MTCH1: variants seen among roughly 807,000 people sequenced by gnomAD.
The protein encoded by MTCH1 is mitochondrial carrier homolog 1.
In MTCH1, 23 loss-of-function variants were observed where a neutral mutation model predicts 49.3. The ratio of observed to expected loss-of-function variants is 0.47; its 90% CI spans 0.34 to 0.66. MTCH1 has a LOEUF of 0.66. Ranked by LOEUF, MTCH1 falls within the 30% of genes least tolerant of loss-of-function variation. The pLI is 0.01. For synonymous variants in MTCH1, 229 were observed against 215.2 expected (o/e 1.06, Z -0.56); for missense variants, 397 against 532.1 (o/e 0.75, Z 2.50).
chr6:36,985,714 C>CCCCCCCCCCCCCCCCCCCCCCCCA, intron 1 of MTCH1, 139 bp downstream of exon 1: 1 of 404,930 alleles, frequency 2.5e-6, no homozygotes, highest in South Asian at 1.9e-5. Flanking sequence ...CCATCCCACC[C>CCCCCCCCCCCCCCCCCCCCCCCCA]ACTCGGCCCC....
chr6:36,986,490 C>T (rs141542123), upstream of MTCH1, among the ~76,000 whole-genome samples: 709 of 152,266 alleles, frequency 4.7e-3, 2 homozygotes, highest in Non-Finnish European at 8.4e-3. Context: ...GGCTGCCAGA[C>T]GTCCCCAATA....
At chr6:36,971,306 C>T (rs1192732967) in intron 8 of MTCH1, among the ~76,000 whole-genome samples, 4 of 152,192 alleles carry the variant, frequency 2.6e-5, no homozygotes, top group Non-Finnish European at 5.9e-5. Flanking sequence ...AGCCTCACCT[C>T]GGCCTTTAAG....
chr6:36,978,470 C>T, intron 3 of MTCH1, 35 bp downstream of exon 3: 2 of 1,602,796 alleles, frequency 1.2e-6, no homozygotes, highest in Non-Finnish European at 1.7e-6. Flanking sequence ...ATGAGGAAAC[C>T]TCGGGCGACT....
intron 6 of MTCH1, chr6:36,976,369 CAGAG>C (rs1163604841): frequency 2.8e-6 from 1 of 360,982 alleles, no homozygotes; most frequent in Non-Finnish European, 5.7e-6. Flanking sequence ...AACCTACTAA[CAGAG>C]GGAGCCAGTG....
intron 1 of MTCH1, 115 bp downstream of exon 1, chr6:36,985,738 C>T: frequency 8.3e-6 from 4 of 480,328 alleles, no homozygotes; most frequent in Non-Finnish European, 1.4e-5. Flanking sequence ...AACCCGCCGT[C>T]CCCACCCCTC....
intron 1 of MTCH1, among the ~76,000 whole-genome samples, chr6:36,984,787 A>C (rs528238015): frequency 6.6e-6 from 1 of 152,218 alleles, no homozygotes; most frequent in South Asian, 2.1e-4. Context: ...GTGCCTATGC[A>C]TCCCTCTGTT....
chr6:36,968,997 G>A (rs1763576929), intron 11 of MTCH1, 23 bp from the exon 12 acceptor site: 2 of 1,612,998 alleles, frequency 1.2e-6, no homozygotes, highest in Non-Finnish European at 1.7e-6. Flanking sequence ...GAAAAGTAAG[G>A]TGAGTGAAAG....
chr6:36,983,643 G>T (rs1279629307), intron 1 of MTCH1, among the ~76,000 whole-genome samples: 2 of 152,116 alleles, frequency 1.3e-5, no homozygotes, highest in African/African-American at 4.8e-5. Context: ...TACGGCAAAT[G>T]CTGTGGCCCT....
upstream of MTCH1, chr6:36,986,240 G>GCGGGGC: frequency 7.4e-7 from 1 of 1,342,418 alleles, no homozygotes; most frequent in Non-Finnish European, 9.6e-7. Context: ...GCGTCAGGGG[G>GCGGGGC]CGGGGCCGGG....
In MTCH1 at chr6:36,968,733, CCG is replaced by C. The variant is rs1396882690; in HGVS notation, c.*168_*169del. 9.0e-7 allele frequency: 1 copy of C among 1,106,794 alleles called. No homozygotes were observed. Among genetic ancestry groups the C allele is most frequent in the Non-Finnish European group, 1.3e-6 (1 of 750,292 alleles). The allele number at this position is 1,106,794 out of a possible 1,614,324, so 68.6% of individuals were successfully genotyped here. A position where few individuals can be genotyped will look rare whatever the true frequency, so the allele number is the denominator to read the frequency against. On this transcript the variant is annotated 3_prime_UTR_variant, in exon 12 of 12. Transcript: ENST00000373627. ...CAATCCACTGGGTGCAGCCCCACCCCCGCTCAACCCCACATCTGGACAGACAC... is the reference window on the plus strand; with the variant it reads ...CAATCCACTGGGTGCAGCCCCACCCCCTCAACCCCACATCTGGACAGACAC...
intron 2 of MTCH1, among the ~76,000 whole-genome samples, chr6:36,980,716 G>A (rs1229651979): frequency 6.6e-6 from 1 of 152,248 alleles, no homozygotes; most frequent in Non-Finnish European, 1.5e-5. Context: ...ACAGGTAAGA[G>A]CAGAGGTGCA....
chr6:36,974,797 T>C (rs977630737), intron 7 of MTCH1, among the ~76,000 whole-genome samples: 2 of 152,078 alleles, frequency 1.3e-5, no homozygotes. Flanking sequence ...CGGAAAACCA[T>C]GATATAAAGA....
Position 36,968,740 on chromosome 6 carries a change from A to AC in MTCH1, c.*162dup. Reference sequence around the variant, plus strand: ...CTGGGTGCAGCCCCACCCCCGCTCAACCCCACATCTGGACAGACACATGGC... The same window carrying AC: ...CTGGGTGCAGCCCCACCCCCGCTCAACCCCCACATCTGGACAGACACATGGC... On this transcript the variant is annotated 3_prime_UTR_variant, in exon 12 of 12. Transcript: ENST00000373627. 1 of 1,171,862 alleles carries AC rather than the reference A, an allele frequency of 8.5e-7. No homozygotes were observed. 72.6% of individuals were successfully genotyped at this position (1,171,862 alleles called of 1,614,324 possible).
At chr6:36,975,820 A>G (rs1763860515) in intron 6 of MTCH1, 103 bp from the exon 7 acceptor site, 1 of 1,038,154 alleles carries the variant, frequency 9.6e-7, no homozygotes, top group Admixed American at 1.9e-5. Context: ...AAATCCAGCC[A>G]GTCCTGGCAG....
rs1764134152 is a variant in MTCH1, at chr6:36,982,489, G to C, written c.322-817C>G. 6.6e-6 allele frequency among the ~76,000 whole-genome samples: 1 copy of C among 151,992 alleles called. No individual in the cohort carries two copies. Among genetic ancestry groups the C allele is most frequent in the South Asian group, 2.1e-4 (1 of 4,830 alleles). ...CACCTCCTCCACCTCCCGGGTTCAA[G>C]TGATTCTCCTACCCCAGCCTCCCAA... On this transcript the variant is annotated intron_variant, in intron 1 of 11. Transcript: ENST00000373627. This position sits in a 1 kb window ranked among gnomAD's most constrained non-coding sequence, Gnocchi z 4.1.
chr6:36,985,215 A>T (rs1764253205), intron 1 of MTCH1, among the ~76,000 whole-genome samples: 1 of 151,600 alleles, frequency 6.6e-6, no homozygotes, highest in Admixed American at 6.6e-5. Context: ...CACCAAATTA[A>T]ATCACAATGC....
chr6:36,969,757 G>A, intron 11 of MTCH1: 2 of 1,311,310 alleles, frequency 1.5e-6, no homozygotes, highest in Non-Finnish European at 2.0e-6. Flanking sequence ...ACCTGGGCCA[G>A]AGTTCTCTTA....
rs1763648073 is a variant in MTCH1, at chr6:36,970,565, C to T, written c.954+82G>A. ...CAACACCCTGTACCAAGACCTGCCT[C>T]CAGCCATTACCAGGGTTGGCCTCCT... On this transcript the variant is annotated intron_variant, in intron 9 of 11. Coordinates refer to ENST00000373627, the MANE Select transcript of MTCH1 (RefSeq NM_001271641.2). 3 of 1,607,964 alleles carry T rather than the reference C, an allele frequency of 1.9e-6. No homozygotes were observed. The Admixed American group carries it at 5.0e-5, about 27-fold the overall frequency.
intron 1 of MTCH1, 25 bp from the exon 2 acceptor site, chr6:36,981,697 G>C (rs995425192): frequency 9.4e-6 from 15 of 1,599,808 alleles, no homozygotes; most frequent in Admixed American, 3.4e-5. Context: ...AAGACAAAGG[G>C]ACGCTCAGAG....
Sources: allele counts gnomAD v4.1 joint callset (sites outside exome capture counted in the v4.1 genomes callset), GRCh38; gene constraint gnomAD v4.1.1; non-coding constraint Gnocchi (gnomAD v3.1); transcripts MANE v1.5; gene names NCBI Gene and HGNC (gene_info 2026-07-23, HGNC 2026-07-21).